The following ZNF385B variants were observed in gnomAD, a reference collection of about 807,000 sequenced individuals.
The protein encoded by ZNF385B is zinc finger protein 533.
A neutral mutation model predicts 39.2 loss-of-function variants in ZNF385B; 23 were observed. That is an observed-to-expected ratio of 0.59 (90% CI 0.42 to 0.83). The LOEUF (loss-of-function observed/expected upper bound fraction) is 0.83, where lower values mean the gene tolerates loss of function less well. Ranked by LOEUF, ZNF385B falls within the 40% of genes least tolerant of loss-of-function variation. The pLI is 0.00. For synonymous variants in ZNF385B, 205 were observed against 222.6 expected (o/e 0.92, Z 0.70); for missense variants, 552 against 598.9 (o/e 0.92, Z 0.82).
intron 6 of ZNF385B, among the ~76,000 whole-genome samples, chr2:179,448,827 A>C (rs1042483405): frequency 1.3e-5 from 2 of 152,176 alleles, no homozygotes; most frequent in Non-Finnish European, 2.9e-5. Context: ...AGTACACAAC[A>C]GTCACCCTAG....
chr2:179,848,097 C>G (rs191158082), intron 1 of ZNF385B, among the ~76,000 whole-genome samples: 69 of 152,114 alleles, frequency 4.5e-4, no homozygotes, highest in Non-Finnish European at 1.8e-4. Context: ...TAGACTGATT[C>G]GCTGTAAAAA....
intron 3 of ZNF385B, among the ~76,000 whole-genome samples, chr2:179,751,900 ATC>A (rs777501006): frequency 2.0e-5 from 3 of 151,970 alleles, no homozygotes; most frequent in African/African-American, 7.2e-5. Context: ...TCATTTTAAA[ATC>A]TCTTTTTTTA....
chr2:179,859,935 T>C (rs1684906901), intron 1 of ZNF385B, among the ~76,000 whole-genome samples: 1 of 152,214 alleles, frequency 6.6e-6, no homozygotes, highest in Non-Finnish European at 1.5e-5. Context: ...GCCAAAGCCT[T>C]TAACTTACCT....
chr2:179,698,438 A>G (rs1335589951), intron 3 of ZNF385B, among the ~76,000 whole-genome samples: 1 of 152,256 alleles, frequency 6.6e-6, no homozygotes, highest in African/African-American at 2.4e-5. Flanking sequence ...ACATCTCAAA[A>G]AAGCATTTCA....
At chr2:179,783,668 G>A (rs1704810204) in intron 1 of ZNF385B, among the ~76,000 whole-genome samples, 1 of 151,810 alleles carries the variant, frequency 6.6e-6, no homozygotes, top group African/African-American at 2.4e-5. Context: ...GTGGGCAAAG[G>A]ACATACCAGT....
At chr2:179,654,921 G>A (rs1466738594) in intron 3 of ZNF385B, among the ~76,000 whole-genome samples, 1 of 152,064 alleles carries the variant, frequency 6.6e-6, no homozygotes, top group Admixed American at 6.6e-5. Context: ...AACTTCCATA[G>A]TCCTTTTGCA....
At chr2:179,679,285 G>T (rs774639173) in intron 3 of ZNF385B, among the ~76,000 whole-genome samples, 51 of 152,250 alleles carry the variant, frequency 3.3e-4, no homozygotes, top group Admixed American at 4.6e-4. Flanking sequence ...ATACCATCTA[G>T]GTTTATGTAA....
intron 3 of ZNF385B, among the ~76,000 whole-genome samples, chr2:179,550,755 T>G (rs867631929): frequency 4.0e-5 from 6 of 149,428 alleles, no homozygotes; most frequent in African/African-American, 1.3e-4. Context: ...AACAAGTTAT[T>G]TCATGCTCTG....
At chr2:179,727,483 ATAAATGGCTACAT>A (rs945741228) in intron 3 of ZNF385B, among the ~76,000 whole-genome samples, 3 of 152,110 alleles carry the variant, frequency 2.0e-5, no homozygotes, top group African/African-American at 4.8e-5. Context: ...TGCTACAGCT[ATAAATGGCTACAT>A]CTGCCCTTTT....
At chr2:179,569,523 T>C (rs1367713682) in intron 3 of ZNF385B, among the ~76,000 whole-genome samples, 2 of 152,174 alleles carry the variant, frequency 1.3e-5, no homozygotes, top group East Asian at 3.8e-4. Flanking sequence ...CAGCATAATT[T>C]TCTAGGACAT....
At chr2:179,618,070 C>T (rs534852849) in intron 3 of ZNF385B, among the ~76,000 whole-genome samples, 3 of 152,208 alleles carry the variant, frequency 2.0e-5, no homozygotes, top group African/African-American at 7.2e-5. Flanking sequence ...TTAGAAGGCT[C>T]CTACTTTAGC....
intron 3 of ZNF385B, among the ~76,000 whole-genome samples, chr2:179,562,891 T>A (rs1419868178): frequency 6.6e-6 from 1 of 152,214 alleles, no homozygotes; most frequent in Non-Finnish European, 1.5e-5. Flanking sequence ...GGTGGGCAAC[T>A]AAATCTTTTA....
intron 6 of ZNF385B, among the ~76,000 whole-genome samples, chr2:179,454,781 G>C (rs373428429): frequency 2.6e-5 from 4 of 152,130 alleles, no homozygotes; most frequent in African/African-American, 9.7e-5. Context: ...AAAGAGCTTA[G>C]AGAATAAGAA....
intron 5 of ZNF385B, among the ~76,000 whole-genome samples, chr2:179,484,596 T>C (rs1234664868): frequency 1.3e-5 from 2 of 149,760 alleles, no homozygotes; most frequent in African/African-American, 4.9e-5. Context: ...AGTGTGTGTG[T>C]AGGTTGGTAG....
intron 6 of ZNF385B, among the ~76,000 whole-genome samples, chr2:179,464,216 T>G (rs1279263528): frequency 1.3e-5 from 2 of 152,212 alleles, no homozygotes; most frequent in African/African-American, 4.8e-5. Flanking sequence ...TCTTGTAAAT[T>G]TGTTTAAATT....
At chr2:179,849,116 T>C (rs1461543338) in intron 1 of ZNF385B, among the ~76,000 whole-genome samples, 1 of 152,148 alleles carries the variant, frequency 6.6e-6, no homozygotes, top group African/African-American at 2.4e-5. Flanking sequence ...AGGTGTCAGA[T>C]CACAAAGAAT....
At chr2:179,629,100 G>T (rs563089887) in intron 3 of ZNF385B, among the ~76,000 whole-genome samples, 1 of 152,120 alleles carries the variant, frequency 6.6e-6, no homozygotes, top group Non-Finnish European at 1.5e-5. Context: ...TTGCTTTCAG[G>T]TATATTCCAG....
chr2:179,485,431 T>C (rs2054463991), intron 5 of ZNF385B, among the ~76,000 whole-genome samples: 7 of 152,118 alleles, frequency 4.6e-5, no homozygotes, highest in Admixed American at 4.6e-4. Context: ...CTTGTTTCAC[T>C]CCAGCTTACC....
At chr2:179,628,990 G>A (rs1690933840) in intron 3 of ZNF385B, among the ~76,000 whole-genome samples, 1 of 152,124 alleles carries the variant, frequency 6.6e-6, no homozygotes, top group African/African-American at 2.4e-5. Flanking sequence ...ATGTTAATAA[G>A]TTTGATGTGT....
Sources: gnomAD v4.1 joint callset for allele counts (sites outside exome capture counted in the v4.1 genomes callset) on GRCh38, gnomAD v4.1.1 for gene constraint, MANE v1.5 for transcripts, NCBI Gene and HGNC (gene_info 2026-07-23, HGNC 2026-07-21) for gene names.